The following PCED1B variants were observed in gnomAD, a reference collection of about 807,000 sequenced individuals.
The protein encoded by PCED1B is PC-esterase domain containing 1B, also known as PC-esterase domain-containing protein 1B.
For synonymous variants in PCED1B, 251 were observed against 246.1 expected, an observed-to-expected ratio of 1.02 and a Z score of -0.19; for missense variants, 573 against 573.9, an observed-to-expected ratio of 1.00 and a Z score of 0.02.
At chr12:47,109,291 G>T (rs1011371707) in intron 2 of PCED1B, among the ~76,000 whole-genome samples, 1 of 152,094 alleles carries the variant, frequency 6.6e-6, no homozygotes, top group Non-Finnish European at 1.5e-5. Flanking sequence ...AATGGAGGCA[G>T]GTGGCAAGTT....
intron 2 of PCED1B, among the ~76,000 whole-genome samples, chr12:47,192,895 AT>A (rs1435373248): frequency 1.3e-5 from 2 of 152,164 alleles, no homozygotes; most frequent in Non-Finnish European, 2.9e-5. Context: ...AAGAAAATGT[AT>A]TTTGGTGAAA....
chr12:47,118,508 T>C (rs1939531568), intron 2 of PCED1B, among the ~76,000 whole-genome samples: 1 of 152,172 alleles, frequency 6.6e-6, no homozygotes. Flanking sequence ...TGTAGATGTG[T>C]GGTATTATTT....
At chr12:47,218,600 C>T (rs146337312) in intron 3 of PCED1B, among the ~76,000 whole-genome samples, 1 of 152,208 alleles carries the variant, frequency 6.6e-6, no homozygotes, top group East Asian at 1.9e-4. Flanking sequence ...CCTTCCACCT[C>T]AGCCTCCTCC....
chr12:47,146,853 G>A (rs1940805164), intron 2 of PCED1B, among the ~76,000 whole-genome samples: 1 of 152,132 alleles, frequency 6.6e-6, no homozygotes, highest in Non-Finnish European at 1.5e-5. Flanking sequence ...GTATGTGATT[G>A]TTGATTAAAA....
intron 2 of PCED1B, among the ~76,000 whole-genome samples, chr12:47,195,097 G>C (rs1437884873): frequency 6.6e-6 from 1 of 152,120 alleles, no homozygotes; most frequent in East Asian, 1.9e-4. Context: ...TTGGGAGGCG[G>C]AGGCGGGTGG....
chr12:47,188,448 T>C (rs1455306526), intron 2 of PCED1B, among the ~76,000 whole-genome samples: 2 of 152,194 alleles, frequency 1.3e-5, no homozygotes, highest in African/African-American at 4.8e-5. Flanking sequence ...GCTAATCTAA[T>C]CTATCTCAAT....
chr12:47,106,997 C>A (rs1447527594), intron 2 of PCED1B, among the ~76,000 whole-genome samples: 2 of 152,160 alleles, frequency 1.3e-5, no homozygotes. Flanking sequence ...AGGGCTCCTG[C>A]AGATCGTCCC....
intron 2 of PCED1B, among the ~76,000 whole-genome samples, chr12:47,121,895 G>A (rs1432949175): frequency 2.0e-5 from 3 of 151,888 alleles, no homozygotes; most frequent in Non-Finnish European, 4.4e-5. Context: ...AGCCGGGTAT[G>A]GTGGTGGGCG....
chr12:47,152,541 T>A (rs9634259), intron 2 of PCED1B, among the ~76,000 whole-genome samples: 47,387 of 152,190 alleles, frequency 0.31, 8,270 homozygotes, highest in East Asian at 0.57. Context: ...CAATGTGGGA[T>A]CCTGAATTAA....
intron 1 of PCED1B, among the ~76,000 whole-genome samples, chr12:47,091,240 T>G (rs1938252753): frequency 6.6e-6 from 1 of 152,186 alleles, no homozygotes; most frequent in Non-Finnish European, 1.5e-5. Context: ...TTTTCGTGGA[T>G]AGCAAGTGTT....
At chr12:47,190,931 C>T (rs1474435651) in intron 2 of PCED1B, among the ~76,000 whole-genome samples, 1 of 152,174 alleles carries the variant, frequency 6.6e-6, no homozygotes, top group African/African-American at 2.4e-5. Context: ...GCCAATCGAA[C>T]TTCTGGATGC....
chr12:47,136,033 A>G (rs1940351248), intron 2 of PCED1B: 1 of 152,534 alleles, frequency 6.6e-6, no homozygotes, highest in Non-Finnish European at 1.5e-5. Flanking sequence ...AAAAGGGTAC[A>G]GTAGCCTTTT....
At chr12:47,207,709 A>G (rs531833146) in intron 2 of PCED1B, among the ~76,000 whole-genome samples, 36 of 152,372 alleles carry the variant, frequency 2.4e-4, no homozygotes, top group Middle Eastern at 3.4e-3. Flanking sequence ...AGACACAATC[A>G]CAACTTAAAG....
chr12:47,194,362 A>G (rs1028592174), intron 2 of PCED1B, among the ~76,000 whole-genome samples: 2 of 152,044 alleles, frequency 1.3e-5, no homozygotes, highest in Non-Finnish European at 2.9e-5. Flanking sequence ...TTTAATAGAG[A>G]TGGGCTTTCA....
rs536869330 is a variant in PCED1B at position 47,235,872 on chromosome 12, A to T, written c.809A>T (p.Lys270Ile). ...GTGGGCGAGTGGATCAAGAAGAAAA[A>T]ACCTGGCCCGAGAGTCGAAGGGCCG... Reference protein sequence around the residue: ...HPVGEWIKKKKPGPRVEGPPQ... With the variant: ...HPVGEWIKKKIPGPRVEGPPQ... The change falls in exon 4 of 4, where the codon AAA (lysine) becomes ATA (isoleucine). Residue 270 changes from lysine to isoleucine, a missense_variant. By Grantham distance (102) the Lys-to-Ile change is moderately radical. Transcript: ENST00000546455. The T allele has an allele frequency of 1.9e-6, 3 of 1,583,022 alleles. No homozygotes were observed. The highest frequency in any genetic ancestry group is 4.7e-5 in the East Asian group (2 of 42,932).
intron 2 of PCED1B, among the ~76,000 whole-genome samples, chr12:47,134,215 AAGG>A (rs1469988942): frequency 6.6e-6 from 1 of 152,192 alleles, no homozygotes; most frequent in Admixed American, 6.5e-5. Flanking sequence ...AGAGAATGAA[AAGG>A]AGATTTGGAA....
chr12:47,215,459 G>A (rs1943227721), intron 2 of PCED1B, among the ~76,000 whole-genome samples: 1 of 151,856 alleles, frequency 6.6e-6, no homozygotes, highest in African/African-American at 2.4e-5. Flanking sequence ...GCACCATGTT[G>A]GCCAGGCTGG....
chr12:47,089,461 C>CATGTGTATATATATATAT (rs1233280547), intron 1 of PCED1B, among the ~76,000 whole-genome samples: 4 of 63,398 alleles, frequency 6.3e-5, no homozygotes, highest in Non-Finnish European at 1.2e-4. Flanking sequence ...AAAAAAAATA[C>CATGTGTATATATATATAT]ATATATATAT....
intron 2 of PCED1B, among the ~76,000 whole-genome samples, chr12:47,160,047 C>A (rs1243371362): frequency 3.3e-5 from 5 of 152,064 alleles, no homozygotes; most frequent in African/African-American, 1.2e-4. Context: ...CAGTTGGCTG[C>A]AAATACGTGG....
Sources: gnomAD v4.1 joint callset for allele counts (sites outside exome capture counted in the v4.1 genomes callset) on GRCh38, gnomAD v4.1.1 for gene constraint, MANE v1.5 for transcripts, NCBI Gene and HGNC (gene_info 2026-07-23, HGNC 2026-07-21) for gene names.